The following NAALADL2 variants were observed in gnomAD, a reference collection of about 807,000 sequenced individuals.
NAALADL2 encodes inactive N-acetylated-alpha-linked acidic dipeptidase-like protein 2.
Under a neutral mutation model 87.2 loss-of-function variants are expected in NAALADL2, and 76 were observed. The observed-to-expected ratio is 0.87, with a 90% CI of 0.72 to 1.05. The LOEUF is 1.05. NAALADL2 is among the 50% of genes least tolerant of loss of function. The pLI is 0.00. For missense variants in NAALADL2, 1,089 were observed against 945.8 expected (o/e 1.15, Z -1.99); for synonymous variants, 354 against 331.0 (o/e 1.07, Z -0.75).
intron 10 of NAALADL2, among the ~76,000 whole-genome samples, chr3:175,606,416 T>C (rs1469537700): frequency 2.0e-5 from 3 of 151,958 alleles, no homozygotes; most frequent in Non-Finnish European, 4.4e-5. Flanking sequence ...AAAACGCCTT[T>C]GCTGCTGCGG....
chr3:175,734,113 C>T (rs1177473165), intron 11 of NAALADL2, among the ~76,000 whole-genome samples: 1 of 152,204 alleles, frequency 6.6e-6, no homozygotes, highest in Non-Finnish European at 1.5e-5. Flanking sequence ...CCTCTTCTCA[C>T]AGCTCCACTA....
chr3:174,800,166 G>A (rs1259075763), intron 3 of NAALADL2, among the ~76,000 whole-genome samples: 1 of 152,170 alleles, frequency 6.6e-6, no homozygotes, highest in African/African-American at 2.4e-5. Flanking sequence ...CAAACTGGCT[G>A]CAGAAATTTG....
At chr3:175,414,348 G>A (rs1359838164) in intron 5 of NAALADL2, among the ~76,000 whole-genome samples, 1 of 152,028 alleles carries the variant, frequency 6.6e-6, no homozygotes, top group Non-Finnish European at 1.5e-5. Flanking sequence ...TTAGTGCACC[G>A]GTACCTTATG....
At chr3:175,612,545 T>C (rs1046089755) in intron 10 of NAALADL2, among the ~76,000 whole-genome samples, 4 of 152,162 alleles carry the variant, frequency 2.6e-5, no homozygotes, top group Non-Finnish European at 5.9e-5. Flanking sequence ...TAACCCGATG[T>C]TTAGATTCTT....
intron 10 of NAALADL2, among the ~76,000 whole-genome samples, chr3:175,587,642 A>G (rs1720726104): frequency 6.6e-6 from 1 of 152,176 alleles, no homozygotes; most frequent in Non-Finnish European, 1.5e-5. Context: ...GTTAAAATTT[A>G]ATGTTCTTAG....
intron 2 of NAALADL2, among the ~76,000 whole-genome samples, chr3:174,717,111 T>C (rs1731263037): frequency 6.6e-6 from 1 of 152,180 alleles, no homozygotes; most frequent in South Asian, 2.1e-4. Context: ...CCTAGACTGT[T>C]TAAGGCAGAT....
At chr3:175,017,816 A>G (rs1045479349) in intron 1 of NAALADL2, among the ~76,000 whole-genome samples, 3 of 152,110 alleles carry the variant, frequency 2.0e-5, no homozygotes, top group Non-Finnish European at 4.4e-5. Flanking sequence ...CAGAAGAAAG[A>G]AAAAATCAGA....
chr3:175,351,113 A>T (rs1006569259), intron 5 of NAALADL2, among the ~76,000 whole-genome samples: 6 of 152,202 alleles, frequency 3.9e-5, no homozygotes, highest in Non-Finnish European at 7.4e-5. Context: ...TACAGTATGC[A>T]TCATAGAATA....
At chr3:175,036,646 GC>G (rs1316225601) in intron 1 of NAALADL2, among the ~76,000 whole-genome samples, 1 of 151,984 alleles carries the variant, frequency 6.6e-6, no homozygotes, top group East Asian at 1.9e-4. Context: ...TGTTCTGCCT[GC>G]CTTGGCCTCC....
chr3:175,527,314 G>A (rs921243862), intron 9 of NAALADL2, among the ~76,000 whole-genome samples: 5 of 152,028 alleles, frequency 3.3e-5, no homozygotes, highest in Non-Finnish European at 7.4e-5. Flanking sequence ...AGCTATAGAC[G>A]GATAGTAAAG....
chr3:174,495,340 G>A (rs1333268223), intron 1 of NAALADL2, among the ~76,000 whole-genome samples: 1 of 151,190 alleles, frequency 6.6e-6, no homozygotes, highest in Non-Finnish European at 1.5e-5. Context: ...CCTCATTTGG[G>A]AATGATTTGT....
At chr3:175,089,723 C>G (rs1184194865) in intron 1 of NAALADL2, among the ~76,000 whole-genome samples, 1 of 151,972 alleles carries the variant, frequency 6.6e-6, no homozygotes, top group African/African-American at 2.4e-5. Flanking sequence ...ATTCTCAATA[C>G]AGAAATCTGC....
chr3:175,771,940 C>T (rs987291627), intron 13 of NAALADL2, among the ~76,000 whole-genome samples: 3 of 152,108 alleles, frequency 2.0e-5, no homozygotes, highest in African/African-American at 7.2e-5. Flanking sequence ...ACCATCAGAT[C>T]TCCTGAGAAC....
intron 1 of NAALADL2, among the ~76,000 whole-genome samples, chr3:175,047,500 AG>A (rs1210761355): frequency 6.6e-6 from 1 of 152,176 alleles, no homozygotes; most frequent in Non-Finnish European, 1.5e-5. Flanking sequence ...TCTGATATTG[AG>A]AAATCACTTT....
At chr3:175,184,889 C>T (rs962298983) in intron 2 of NAALADL2, among the ~76,000 whole-genome samples, 3 of 152,052 alleles carry the variant, frequency 2.0e-5, no homozygotes, top group Non-Finnish European at 4.4e-5. Context: ...GCACGTTAAG[C>T]ACCATGTTTA....
At chr3:175,673,370 T>TA (rs1339678244) in intron 11 of NAALADL2, among the ~76,000 whole-genome samples, 1 of 152,150 alleles carries the variant, frequency 6.6e-6, no homozygotes, top group African/African-American at 2.4e-5. Context: ...ATTATTCATG[T>TA]AAAAACAATC....
chr3:175,153,745 C>A (rs1157296404), intron 2 of NAALADL2, among the ~76,000 whole-genome samples: 1 of 152,078 alleles, frequency 6.6e-6, no homozygotes, highest in Non-Finnish European at 1.5e-5. Flanking sequence ...AAGGCAAACT[C>A]CTGGTGTCAT....
intron 2 of NAALADL2, among the ~76,000 whole-genome samples, chr3:174,617,372 A>G (rs1720564851): frequency 1.3e-5 from 2 of 151,784 alleles, no homozygotes; most frequent in Non-Finnish European, 3.0e-5. Context: ...AGTCATAGCG[A>G]TCTCGTTACA....
At chr3:175,701,035 T>C (rs1307816525) in intron 11 of NAALADL2, among the ~76,000 whole-genome samples, 1 of 152,138 alleles carries the variant, frequency 6.6e-6, no homozygotes, top group Non-Finnish European at 1.5e-5. Flanking sequence ...GACAACAACC[T>C]AGGTCTACTT....
Sources: allele counts gnomAD v4.1 joint callset (sites outside exome capture counted in the v4.1 genomes callset), GRCh38; gene constraint gnomAD v4.1.1; transcripts MANE v1.5; gene names NCBI Gene and HGNC (gene_info 2026-07-23, HGNC 2026-07-21).